DNAJC11: variants seen among roughly 807,000 people sequenced by gnomAD.
DNAJC11 encodes dnaJ homolog subfamily C member 11.
Under a neutral mutation model 78.6 loss-of-function variants are expected in DNAJC11, and 15 were observed. The ratio of observed to expected loss-of-function variants is 0.19; its 90% confidence interval spans 0.13 to 0.29. The LOEUF is 0.29. Ranked by LOEUF, DNAJC11 falls within the 10% of genes least tolerant of loss-of-function variation. The pLI, the probability that DNAJC11 is intolerant of heterozygous loss-of-function variation, is 1.00. For missense variants in DNAJC11, 547 were observed against 709.6 expected (o/e 0.77, Z 2.60); for synonymous variants, 292 against 272.1 (o/e 1.07, Z -0.72).
Position 6,634,523 on chromosome 1 carries a change from G to T in DNAJC11, c.*1152C>A. ...CAGCTTGGGGCCCCCCGCGCCAGCT[G>T]TCTCAGCCACCACCTGTGCGGCGCT... On this transcript the variant is annotated 3_prime_UTR_variant, in exon 16 of 16. Coordinates refer to ENST00000377577, the MANE Select transcript of DNAJC11 (RefSeq NM_018198.4). The T allele has an allele frequency of 2.9e-6, 4 of 1,360,688 alleles. No individual in the cohort carries two copies. The highest frequency in any genetic ancestry group is 3.9e-6 in the Non-Finnish European group (4 of 1,019,772). 84.3% of individuals were successfully genotyped at this position (1,360,688 alleles called of 1,614,324 possible). A position where few individuals can be genotyped will look rare whatever the true frequency, so the allele number is the denominator to read the frequency against.
chr1:6,678,594 C>G, intron 2 of DNAJC11, 127 bp from the exon 3 acceptor site: 2 of 736,074 alleles, frequency 2.7e-6, no homozygotes, highest in Admixed American at 5.8e-5. Flanking sequence ...TTCCTAGAGA[C>G]CCCTTTCATT....
chr1:6,675,453 T>G (rs921266173), intron 3 of DNAJC11, among the ~76,000 whole-genome samples: 2 of 151,942 alleles, frequency 1.3e-5, no homozygotes, highest in African/African-American at 2.4e-5. Flanking sequence ...AGTCTCACTG[T>G]CACTCAGGCT....
intron 1 of DNAJC11, among the ~76,000 whole-genome samples, chr1:6,695,855 T>A (rs1642827992): frequency 6.6e-6 from 1 of 151,846 alleles, no homozygotes; most frequent in African/African-American, 2.4e-5. Context: ...ATTACTAGCG[T>A]TGAAGCATAG....
intron 4 of DNAJC11, among the ~76,000 whole-genome samples, chr1:6,661,294 G>A (rs1642208341): frequency 6.6e-6 from 1 of 152,178 alleles, no homozygotes; most frequent in Non-Finnish European, 1.5e-5. Flanking sequence ...TATAACTGGT[G>A]AACCCAGCAT....
chr1:6,696,519 G>C (rs571888612), intron 1 of DNAJC11, among the ~76,000 whole-genome samples: 4 of 152,272 alleles, frequency 2.6e-5, no homozygotes, highest in African/African-American at 9.6e-5. Flanking sequence ...TCCATCTGCA[G>C]CTCAAACTCA....
intron 1 of DNAJC11, among the ~76,000 whole-genome samples, chr1:6,701,489 C>T (rs1230664927): frequency 6.6e-6 from 1 of 152,220 alleles, no homozygotes; most frequent in Non-Finnish European, 1.5e-5. Context: ...GGACACAGTG[C>T]ACGCGGCGCA....
intron 15 of DNAJC11, 27 bp downstream of exon 15, chr1:6,636,090 G>T: frequency 6.2e-7 from 1 of 1,604,570 alleles, no homozygotes; most frequent in South Asian, 1.1e-5. Context: ...CCCGTTAGCT[G>T]GTGACTGCGA....
chr1:6,641,402 T>TACAC (rs1477522329), intron 10 of DNAJC11, among the ~76,000 whole-genome samples: 125 of 144,212 alleles, frequency 8.7e-4, no homozygotes, highest in African/African-American at 3.1e-3. Context: ...TATATATATA[T>TACAC]ATATACACAC....
intron 10 of DNAJC11, among the ~76,000 whole-genome samples, chr1:6,642,505 T>C (rs1285595380): frequency 6.6e-6 from 1 of 152,014 alleles, no homozygotes; most frequent in African/African-American, 2.4e-5. Context: ...TCCAAGGTTT[T>C]TGGACAGAGC....
At position 6,645,092 on chromosome 1, in the gene DNAJC11, T is replaced by C. The variant is rs749128752; in HGVS notation, c.929A>G (p.Tyr310Cys). ...GIPHSFALIS[Y>C]QHKFQDDDQT... The stretch of plus-strand genomic sequence containing the variant: ...ATCGTCATCTTGGAATTTGTGCTGA[T>C]AGCTGATCAGTGCAAAGGAGTGAGG... Residue 310 changes from tyrosine to cysteine, a missense_variant, in exon 9 of 16, where the codon TAT (tyrosine) becomes TGT (cysteine). By Grantham distance (194) the Tyr-to-Cys change is radical. Transcript: ENST00000377577. The surrounding 1 kb of genome is among the most constrained non-coding windows in gnomAD (Gnocchi z 4.1). The C allele has an allele frequency of 3.1e-6, 5 of 1,614,002 alleles. No homozygotes were observed. Among genetic ancestry groups the C allele is most frequent in the Non-Finnish European group, 4.2e-6 (5 of 1,179,924 alleles).
intron 4 of DNAJC11, among the ~76,000 whole-genome samples, chr1:6,655,998 A>C (rs988181506): frequency 4.0e-5 from 6 of 150,174 alleles, no homozygotes; most frequent in African/African-American, 9.8e-5. Context: ...GCTCCTCAGG[A>C]GGCTGAGGCA....
At chr1:6,687,191 G>A (rs890170001) in intron 1 of DNAJC11, among the ~76,000 whole-genome samples, 1 of 151,902 alleles carries the variant, frequency 6.6e-6, no homozygotes, top group Non-Finnish European at 1.5e-5. Context: ...CATATTATTT[G>A]GTGTCATTTA....
chr1:6,644,562 C>T lies in DNAJC11; in HGVS notation c.1093G>A (p.Val365Ile). Residue 365 changes from valine (V) to isoleucine (I), a missense_variant, in exon 10 of 16, where the codon GTC (valine) becomes ATC (isoleucine). Coordinates refer to ENST00000377577, the MANE Select transcript of DNAJC11 (RefSeq NM_018198.4). ...AAAGGCCTAAGTTCAACTTACTTGA[C>T]TTTGAGAGAAACACCCTGTGGAACT... The part of the protein sequence containing the change: ...VGVPQGVSLK[V>I]KLNRASQTYF... 1 of 1,612,764 alleles carries T rather than the reference C, an allele frequency of 6.2e-7. No individual in the cohort carries two copies. Among genetic ancestry groups the T allele is most frequent in the South Asian group, 1.1e-5 (1 of 91,058 alleles).
At chr1:6,678,538 A>G (rs1163498201) in intron 2 of DNAJC11, 71 bp from the exon 3 acceptor site, 1 of 1,249,914 alleles carries the variant, frequency 8.0e-7, no homozygotes, top group African/African-American at 1.5e-5. Flanking sequence ...GAATACTGAC[A>G]TCATTAGGTA....
intron 3 of DNAJC11, among the ~76,000 whole-genome samples, chr1:6,677,746 T>C: frequency 6.6e-6 from 1 of 152,246 alleles, no homozygotes; most frequent in East Asian, 1.9e-4. Context: ...TCAGTGGCAG[T>C]GTGAAAGCAA....
rs186860865 is a variant in DNAJC11, at chr1:6,638,867, C to T, written c.1254-503G>A. 1.4e-4 allele frequency among the ~76,000 whole-genome samples: 21 copies of T among 152,284 alleles called. No individual in the cohort carries two copies. The East Asian group carries it at 2.1e-3, about 15-fold the overall frequency. On this transcript the variant is annotated intron_variant, in intron 11 of 15. Transcript: ENST00000377577. ...TAATACCACTTTAGACACACAGATC[C>T]GCTTTCCTGTAACAAAGTATGGGCC...
chr1:6,694,179 C>G (rs1337588917), intron 1 of DNAJC11, among the ~76,000 whole-genome samples: 3 of 152,050 alleles, frequency 2.0e-5, no homozygotes, highest in East Asian at 1.9e-4. Context: ...CTCCTCTCCC[C>G]CTTTCCCCGG....
rs778390137 is a variant in DNAJC11, at chr1:6,667,827, G to C, written c.277-17C>G. 6.2e-7 allele frequency: 1 copy of C among 1,611,254 alleles called. No individual in the cohort carries two copies. The highest frequency in any genetic ancestry group is 8.5e-7 in the Non-Finnish European group (1 of 1,178,132). ...TTCCACAACCTATGCACAGAATCAA[G>C]ATGGGAAGACAGTTGAGGACCCAGG... On this transcript the variant is annotated splice_polypyrimidine_tract_variant and intron_variant, in intron 3 of 15. Transcript: ENST00000377577.
In DNAJC11 at chr1:6,637,251, GCA is replaced by G. The variant is rs1641795022; in HGVS notation, c.1469_1470del (p.Val490AlafsTer26). The G allele has an allele frequency of 1.2e-6, 2 of 1,614,040 alleles. No homozygotes were observed. Among genetic ancestry groups the G allele is most frequent in the Non-Finnish European group, 8.5e-7 (1 of 1,180,044 alleles). ...GAGTCCTTCACCAGGCACTGCAGGG[GCA>G]CAGTCACGTCAATCACCTTCACCTT... ...SEKVKVIDVTVPLQCLVKDSK... is the reference protein window; with the variant it reads ...SEKVKVIDVTXPLQCLVKDSK... On this transcript the variant is annotated frameshift_variant, in exon 14 of 16. Transcript: ENST00000377577. LOFTEE classifies it high-confidence loss of function.
Sources: gnomAD v4.1 joint callset for allele counts (sites outside exome capture counted in the v4.1 genomes callset) on GRCh38, gnomAD v4.1.1 for gene constraint, Gnocchi (gnomAD v3.1) non-coding constraint, MANE v1.5 for transcripts, NCBI Gene and HGNC (gene_info 2026-07-23, HGNC 2026-07-21) for gene names.